The following CSMD2 variants were observed in gnomAD, a reference collection of about 807,000 sequenced individuals.
CSMD2 encodes the protein CUB and sushi domain-containing protein 2.
Under a neutral mutation model 398.5 loss-of-function variants are expected in CSMD2, and 130 were observed. That is an observed-to-expected ratio of 0.33 (90% CI 0.28 to 0.38). CSMD2 has a LOEUF of 0.38. Among genes scored for constraint, CSMD2 ranks in the 10% least tolerant of loss-of-function variants. The pLI is 1.00. For missense variants in CSMD2, 3,829 were observed against 4,764.9 expected (o/e 0.80, Z 5.78); for synonymous variants, 1,828 against 1,908.5 (o/e 0.96, Z 1.10).
At chr1:33,764,650 A>C (rs995079939) in intron 13 of CSMD2, among the ~76,000 whole-genome samples, 1 of 152,232 alleles carries the variant, frequency 6.6e-6, no homozygotes, top group African/African-American at 2.4e-5. Flanking sequence ...GGAAGCTCAC[A>C]CCGATCACGG....
chr1:34,084,994 T>C (rs369765766), intron 2 of CSMD2, among the ~76,000 whole-genome samples: 1 of 152,126 alleles, frequency 6.6e-6, no homozygotes, highest in Non-Finnish European at 1.5e-5. Context: ...TGTCCAACAA[T>C]GATAGACTGG....
intron 67 of CSMD2, 149 bp from the exon 68 acceptor site, chr1:33,521,699 G>A (rs760517066): frequency 4.6e-6 from 3 of 652,218 alleles, no homozygotes; most frequent in Middle Eastern, 2.7e-4. Context: ...CTAGGCAAGG[G>A]TGGGTGTGAC....
intron 13 of CSMD2, among the ~76,000 whole-genome samples, chr1:33,755,263 T>C (rs1648823735): frequency 6.6e-6 from 1 of 152,198 alleles, no homozygotes; most frequent in Non-Finnish European, 1.5e-5. Context: ...CACCTCTTTC[T>C]GCTCAGAAGC....
At chr1:34,160,201 A>G (rs1641202117) in intron 1 of CSMD2, among the ~76,000 whole-genome samples, 2 of 152,214 alleles carry the variant, frequency 1.3e-5, no homozygotes, top group Admixed American at 1.3e-4. Flanking sequence ...TCCCTGGTGC[A>G]TGATTCTAAT....
chr1:34,016,992 A>G (rs1648221406), intron 3 of CSMD2, among the ~76,000 whole-genome samples: 1 of 152,184 alleles, frequency 6.6e-6, no homozygotes, highest in Non-Finnish European at 1.5e-5. Flanking sequence ...TGATCGTTTA[A>G]CTGGCACTGT....
At chr1:34,131,744 G>C (rs527944386) in intron 1 of CSMD2, among the ~76,000 whole-genome samples, 1 of 152,208 alleles carries the variant, frequency 6.6e-6, no homozygotes, top group East Asian at 1.9e-4. Context: ...TTTCCTTCTT[G>C]TTTTCAAATG....
chr1:33,726,687 TG>T lies in CSMD2; in HGVS notation c.2369-3del. 1 of 1,607,942 alleles carries T rather than the reference TG, an allele frequency of 6.2e-7. No homozygotes were observed. Among genetic ancestry groups the T allele is most frequent in the Non-Finnish European group, 8.5e-7 (1 of 1,178,638 alleles). On this transcript the variant is annotated splice_polypyrimidine_tract_variant and splice_region_variant and intron_variant, in intron 15 of 70. Transcript: ENST00000373381. ...AAGTCAGGTGACCACCACAGGGAGCTGGGGGGACAGAAGGAAGAGAGGCAGC... is the reference window on the plus strand; with the variant it reads ...AAGTCAGGTGACCACCACAGGGAGCTGGGGGACAGAAGGAAGAGAGGCAGC...
At chr1:34,132,596 C>T (rs1422620026) in intron 1 of CSMD2, among the ~76,000 whole-genome samples, 2 of 152,192 alleles carry the variant, frequency 1.3e-5, no homozygotes, top group Non-Finnish European at 2.9e-5. Flanking sequence ...GCATTGGAAT[C>T]AGGAGACTAA....
intron 12 of CSMD2, among the ~76,000 whole-genome samples, chr1:33,780,423 G>T (rs1464038144): frequency 6.6e-6 from 1 of 152,144 alleles, no homozygotes; most frequent in African/African-American, 2.4e-5. Context: ...GCACACGATT[G>T]CCACAAGTGG....
chr1:33,829,578 G>T (rs567423790), intron 6 of CSMD2, among the ~76,000 whole-genome samples: 3 of 152,302 alleles, frequency 2.0e-5, no homozygotes, highest in Admixed American at 2.0e-4. Context: ...CAGCGTGAGC[G>T]ACGCAGAAGA....
intron 14 of CSMD2, among the ~76,000 whole-genome samples, chr1:33,741,485 C>T (rs186219196): frequency 2.6e-5 from 4 of 152,134 alleles, no homozygotes; most frequent in African/African-American, 7.2e-5. Flanking sequence ...AGGATGCGGC[C>T]CAGATTTTTA....
intron 24 of CSMD2, among the ~76,000 whole-genome samples, chr1:33,693,921 T>C (rs1252395440): frequency 6.6e-6 from 1 of 151,922 alleles, no homozygotes; most frequent in Non-Finnish European, 1.5e-5. Context: ...TAGCCAGGCG[T>C]GGTGGTACAT....
chr1:33,593,157 T>A (rs185732877), intron 44 of CSMD2, among the ~76,000 whole-genome samples: 1 of 152,300 alleles, frequency 6.6e-6, no homozygotes, highest in Non-Finnish European at 1.5e-5. Flanking sequence ...CTCTGACACA[T>A]GCTATAACAT....
intron 19 of CSMD2, among the ~76,000 whole-genome samples, chr1:33,719,055 G>A (rs1376280396): frequency 6.8e-6 from 1 of 147,122 alleles, no homozygotes; most frequent in Admixed American, 6.9e-5. Flanking sequence ...CTACTAGTGA[G>A]AATTCAGAGT....
intron 25 of CSMD2, among the ~76,000 whole-genome samples, chr1:33,668,256 A>C (rs962609208): frequency 1.3e-5 from 2 of 152,124 alleles, no homozygotes; most frequent in African/African-American, 4.8e-5. Context: ...TTTGGTGTGT[A>C]CTATAGGAGC....
At chr1:33,660,410 C>T (rs1243000950) in intron 26 of CSMD2, among the ~76,000 whole-genome samples, 1 of 152,108 alleles carries the variant, frequency 6.6e-6, no homozygotes, top group African/African-American at 2.4e-5. Context: ...GCTGGATCCA[C>T]GTGGTACAGA....
At chr1:34,123,322 G>C (rs1662388130) in intron 1 of CSMD2, among the ~76,000 whole-genome samples, 1 of 152,216 alleles carries the variant, frequency 6.6e-6, no homozygotes, top group African/African-American at 2.4e-5. Flanking sequence ...CTTCCAGAGA[G>C]CGGAACACGT....
intron 19 of CSMD2, among the ~76,000 whole-genome samples, chr1:33,721,975 T>G (rs1251864283): frequency 6.6e-6 from 1 of 152,246 alleles, no homozygotes; most frequent in Non-Finnish European, 1.5e-5. Flanking sequence ...CAAACTTATT[T>G]TTTTTACTTA....
rs185717913 is a variant in CSMD2, at chr1:33,673,744, C to T, written c.4053-10652G>A. Among the ~76,000 whole-genome samples the T allele has an allele frequency of 3.2e-3, 491 of 152,322 alleles. 19 individuals are homozygous for T. The highest frequency in any genetic ancestry group is 0.012 in the East Asian group (62 of 5,186). On this transcript the variant is annotated intron_variant, in intron 25 of 70. Coordinates refer to ENST00000373381, the MANE Select transcript of CSMD2 (RefSeq NM_001281956.2). ...GGGTTACCCACAAAGGGAAGCCCAT[C>T]AGACTAACAGCTGACCTCTCGGCAG...
Sources: allele counts gnomAD v4.1 joint callset (sites outside exome capture counted in the v4.1 genomes callset), GRCh38; gene constraint gnomAD v4.1.1; transcripts MANE v1.5; gene names NCBI Gene and HGNC (gene_info 2026-07-23, HGNC 2026-07-21).